PRKG1: variants seen among roughly 807,000 people sequenced by gnomAD.
PRKG1 encodes cGMP-dependent protein kinase 1.
PRKG1 carries 35 observed loss-of-function variants against 88.1 expected under a neutral mutation model. That is an observed-to-expected ratio of 0.40 (90% confidence interval 0.30 to 0.53). The LOEUF (loss-of-function observed/expected upper bound fraction) is 0.53. PRKG1 is among the 20% of genes least tolerant of loss of function. The probability of loss-of-function intolerance (pLI) is 0.59; values close to 1 mark genes in which losing one functional copy is unlikely to be tolerated. For synonymous variants in PRKG1, 303 were observed against 292.5 expected (o/e 1.04, Z -0.37); for missense variants, 540 against 839.8 (o/e 0.64, Z 4.41).
chr10:52,101,115 A>T (rs534969755), intron 7 of PRKG1, among the ~76,000 whole-genome samples: 2 of 152,216 alleles, frequency 1.3e-5, no homozygotes, highest in African/African-American at 4.8e-5. Context: ...TTCAGAATTC[A>T]TATCAGCATA....
At chr10:52,047,803 A>C (rs1283345119) in intron 5 of PRKG1, among the ~76,000 whole-genome samples, 1 of 152,136 alleles carries the variant, frequency 6.6e-6, no homozygotes, top group Non-Finnish European at 1.5e-5. Flanking sequence ...TTTGGCCCCA[A>C]AAAGGCAGAT....
At chr10:51,617,161 G>A (rs986062457) in intron 3 of PRKG1, among the ~76,000 whole-genome samples, 10 of 152,088 alleles carry the variant, frequency 6.6e-5, no homozygotes, top group African/African-American at 2.4e-4. Context: ...AGTTCACAAT[G>A]GGAATATAGA....
At chr10:52,238,271 A>C (rs1337521014) in intron 9 of PRKG1, among the ~76,000 whole-genome samples, 1 of 132,588 alleles carries the variant, frequency 7.5e-6, no homozygotes, top group Non-Finnish European at 1.6e-5. Context: ...CAAGGACTTC[A>C]TGTCTAAAAC....
chr10:52,020,744 C>G lies in PRKG1; in HGVS notation c.763-33740C>G, dbSNP rs187501675. Among the ~76,000 whole-genome samples the G allele has an allele frequency of 5.3e-5, 8 of 152,264 alleles. No homozygotes were observed. The East Asian group carries it at 1.4e-3, about 26-fold the overall frequency. On this transcript the variant is annotated intron_variant, in intron 5 of 17. Transcript: ENST00000373980. ...GTTTAGGAAGTTGTACAATGCCCAT[C>G]TGGGGCTTTCTTCCCCTTTCTGGTG...
intron 2 of PRKG1, among the ~76,000 whole-genome samples, chr10:51,421,167 T>TGTTC (rs1168602450): frequency 1.3e-5 from 2 of 151,766 alleles, no homozygotes; most frequent in African/African-American, 4.8e-5. Context: ...ATTTCTTGTT[T>TGTTC]GTTTGTTTGT....
chr10:51,540,031 C>A (rs781529078), intron 3 of PRKG1, among the ~76,000 whole-genome samples: 1 of 152,138 alleles, frequency 6.6e-6, no homozygotes, highest in Admixed American at 6.5e-5. Flanking sequence ...AAGTGTGTGT[C>A]TTCTCAGTTA....
chr10:51,403,929 A>G (rs1211026168), intron 2 of PRKG1, among the ~76,000 whole-genome samples: 2 of 152,218 alleles, frequency 1.3e-5, no homozygotes, highest in Non-Finnish European at 2.9e-5. Context: ...TAACATTACT[A>G]GGTAGTAACA....
chr10:51,705,730 A>C (rs1275215057), intron 3 of PRKG1, among the ~76,000 whole-genome samples: 5 of 152,234 alleles, frequency 3.3e-5, no homozygotes, highest in Admixed American at 1.3e-4. Context: ...TTTATAGGTA[A>C]AGAACAGAGG....
At chr10:51,241,201 T>A (rs547832962) in intron 2 of PRKG1, among the ~76,000 whole-genome samples, 19 of 152,142 alleles carry the variant, frequency 1.2e-4, no homozygotes, top group Admixed American at 8.5e-4. Context: ...GATGTCAGAA[T>A]GATGTTGTTC....
At chr10:51,302,169 G>A (rs1840905873) in intron 2 of PRKG1, among the ~76,000 whole-genome samples, 1 of 152,158 alleles carries the variant, frequency 6.6e-6, no homozygotes, top group African/African-American at 2.4e-5. Context: ...AGCACTACTA[G>A]GGGTTTAATT....
intron 3 of PRKG1, among the ~76,000 whole-genome samples, chr10:51,700,741 C>G (rs932081954): frequency 1.2e-4 from 18 of 152,176 alleles, no homozygotes; most frequent in African/African-American, 4.3e-4. Flanking sequence ...TGAAATGAAG[C>G]TAGTGTGATT....
At chr10:51,570,067 A>ATATATATATATATATATGTG (rs1491310201) in intron 3 of PRKG1, among the ~76,000 whole-genome samples, 21 of 113,112 alleles carry the variant, frequency 1.9e-4, no homozygotes, top group African/African-American at 5.4e-4. Context: ...ATATATATAT[A>ATATATATATATATATATGTG]TGTGTGTGTG....
At chr10:51,896,160 G>T (rs533250703) in intron 4 of PRKG1, among the ~76,000 whole-genome samples, 3 of 152,170 alleles carry the variant, frequency 2.0e-5, no homozygotes, top group South Asian at 2.1e-4. Context: ...ATGAAGAAAA[G>T]GATATTTCCA....
At chr10:51,260,255 A>C (rs750557378) in intron 2 of PRKG1, among the ~76,000 whole-genome samples, 2 of 152,236 alleles carry the variant, frequency 1.3e-5, no homozygotes, top group Non-Finnish European at 2.9e-5. Flanking sequence ...AGCATTTATT[A>C]AATTGCTATT....
intron 7 of PRKG1, among the ~76,000 whole-genome samples, chr10:52,116,032 G>A (rs1293797952): frequency 6.6e-6 from 1 of 152,088 alleles, no homozygotes; most frequent in African/African-American, 2.4e-5. Context: ...AAAAAAAAGA[G>A]GTGCCATGCA....
intron 2 of PRKG1, among the ~76,000 whole-genome samples, chr10:51,169,878 CT>C (rs1564625587): frequency 6.6e-6 from 1 of 152,044 alleles, no homozygotes; most frequent in East Asian, 1.9e-4. Flanking sequence ...TTGATCTGCC[CT>C]GCTTCCCTAC....
intron 2 of PRKG1, among the ~76,000 whole-genome samples, chr10:51,155,629 C>A (rs994423524): frequency 8.6e-5 from 13 of 151,944 alleles, no homozygotes; most frequent in African/African-American, 3.1e-4. Flanking sequence ...TGTCTATATA[C>A]AGTGAGAAGG....
intron 9 of PRKG1, among the ~76,000 whole-genome samples, chr10:52,164,836 T>C (rs1025102306): frequency 3.3e-5 from 5 of 152,290 alleles, no homozygotes; most frequent in African/African-American, 4.8e-5. Context: ...TAGGAATACA[T>C]TGTGAAATGA....
intron 5 of PRKG1, among the ~76,000 whole-genome samples, chr10:51,979,024 C>T (rs1426116497): frequency 1.3e-5 from 2 of 152,034 alleles, no homozygotes; most frequent in African/African-American, 4.8e-5. Context: ...GAGACAGCAT[C>T]TTTGTCTTGT....
Sources: allele counts gnomAD v4.1 joint callset (sites outside exome capture counted in the v4.1 genomes callset), GRCh38; gene constraint gnomAD v4.1.1; transcripts MANE v1.5; gene names NCBI Gene and HGNC (gene_info 2026-07-23, HGNC 2026-07-21).